The following HAUS8 variants were observed in gnomAD, a reference collection of about 807,000 sequenced individuals.
The protein encoded by HAUS8 is HAUS augmin-like complex subunit 8.
HAUS8 carries 38 observed loss-of-function variants against 42.9 expected under a neutral mutation model. That is an observed-to-expected ratio of 0.89 (90% CI 0.68 to 1.16). The LOEUF is 1.16. Ranked by LOEUF, HAUS8 falls within the 50% of genes most tolerant of loss-of-function variation. The probability of loss-of-function intolerance (pLI) is 0.00; values close to 1 mark genes in which losing one functional copy is unlikely to be tolerated. For missense variants in HAUS8, 494 were observed against 511.6 expected, an observed-to-expected ratio of 0.97 and a Z score of 0.33; for synonymous variants, 199 against 205.8, an observed-to-expected ratio of 0.97 and a Z score of 0.28.
chr19:17,054,018 G>A (rs1017676259), intron 9 of HAUS8, among the ~76,000 whole-genome samples: 1 of 152,078 alleles, frequency 6.6e-6, no homozygotes, highest in Non-Finnish European at 1.5e-5. Flanking sequence ...GTGAGGACGG[G>A]CAGAGAATGG....
At chr19:17,070,190 C>A (rs963154463) in intron 2 of HAUS8, among the ~76,000 whole-genome samples, 3 of 152,016 alleles carry the variant, frequency 2.0e-5, no homozygotes, top group Non-Finnish European at 2.9e-5. Context: ...TCCCGCCCCC[C>A]ACAATCCAGC....
At chr19:17,053,656 C>CTT in intron 9 of HAUS8, 2 of 147,606 alleles carry the variant, frequency 1.4e-5, no homozygotes, top group African/African-American at 5.0e-5. Context: ...CGGGAAATTT[C>CTT]TTTTTTTCTT....
At chr19:17,072,305 A>G (rs1224541897) in intron 2 of HAUS8, among the ~76,000 whole-genome samples, 1 of 143,240 alleles carries the variant, frequency 7.0e-6, no homozygotes, top group Non-Finnish European at 1.5e-5. Flanking sequence ...CCAATGATGG[A>G]CTCTAGAATC....
intron 4 of HAUS8, among the ~76,000 whole-genome samples, chr19:17,060,491 CTCCACCTCCCGGGT>C (rs1208236570): frequency 6.6e-6 from 1 of 152,200 alleles, no homozygotes; most frequent in Admixed American, 6.5e-5. Context: ...TCACTGCAAC[CTCCACCTCCCGGGT>C]TCAAGTGATT....
At chr19:17,052,743 C>A in intron 10 of HAUS8, 82 bp downstream of exon 10, 1 of 1,486,796 alleles carries the variant, frequency 6.7e-7, no homozygotes, top group Non-Finnish European at 9.3e-7. Context: ...TAGAGGAACT[C>A]GGCACCACCC....
intron 8 of HAUS8, among the ~76,000 whole-genome samples, chr19:17,058,146 C>T (rs954529077): frequency 3.9e-5 from 6 of 152,246 alleles, no homozygotes; most frequent in Non-Finnish European, 8.8e-5. Context: ...TCAGCCCTTT[C>T]TGGGTTCCAG....
At chr19:17,054,030 G>A (rs1251433304) in intron 9 of HAUS8, among the ~76,000 whole-genome samples, 5 of 152,114 alleles carry the variant, frequency 3.3e-5, no homozygotes, top group Non-Finnish European at 7.4e-5. Context: ...AGAGAATGGA[G>A]GGACACGGCC....
intron 3 of HAUS8, among the ~76,000 whole-genome samples, chr19:17,067,479 A>G (rs888128418): frequency 6.6e-6 from 1 of 152,098 alleles, no homozygotes; most frequent in Admixed American, 6.6e-5. Context: ...ATGACTGTCT[A>G]TGTCTGTCAA....
At chr19:17,054,575 G>T (rs539893972) in intron 9 of HAUS8, among the ~76,000 whole-genome samples, 1 of 152,204 alleles carries the variant, frequency 6.6e-6, no homozygotes, top group South Asian at 2.1e-4. Context: ...GGCAAGGCGG[G>T]CAGATCACCT....
At chr19:17,067,128 C>A (rs1237435965) in intron 3 of HAUS8, among the ~76,000 whole-genome samples, 1 of 151,464 alleles carries the variant, frequency 6.6e-6, no homozygotes, top group Non-Finnish European at 1.5e-5. Flanking sequence ...TGGCTTGAAT[C>A]CAGAAGGCGG....
At chr19:17,063,407 G>A (rs2057372169) in intron 3 of HAUS8, among the ~76,000 whole-genome samples, 1 of 152,218 alleles carries the variant, frequency 6.6e-6, no homozygotes, top group Non-Finnish European at 1.5e-5. Flanking sequence ...CACAGTGGAG[G>A]TCCTCAGATA....
chr19:17,072,725 G>C (rs774576436), intron 2 of HAUS8, among the ~76,000 whole-genome samples: 1 of 151,686 alleles, frequency 6.6e-6, no homozygotes, highest in Non-Finnish European at 1.5e-5. Context: ...CTTGGCTCGT[G>C]GGGGAGGCCG....
chr19:17,054,314 A>AGT (rs2057306545), intron 9 of HAUS8, among the ~76,000 whole-genome samples: 1 of 152,006 alleles, frequency 6.6e-6, no homozygotes, highest in African/African-American at 2.4e-5. Context: ...GCAGAGACTG[A>AGT]GTGTTTTCTA....
chr19:17,050,092 C>G lies in HAUS8; in HGVS notation c.1014G>C (p.Gln338His), dbSNP rs1382102752. 1.0e-5 allele frequency: 16 copies of G among 1,600,488 alleles called. No individual in the cohort carries two copies. Among genetic ancestry groups the G allele is most frequent in the Non-Finnish European group, 1.4e-5 (16 of 1,173,570 alleles). The change falls in exon 11 of 11, where the codon CAG becomes CAC. Residue 338 changes from glutamine to histidine, a missense_variant. Transcript: ENST00000253669. ...ACCACCGGCTGGGGGGCGCCATGCC[C>G]TGGGTCTCTTCCCAGACTTCCTGGT... Reference protein sequence around the residue: ...LANQEVWEETQGMAPPSRWYF... With the variant: ...LANQEVWEETHGMAPPSRWYF...
intron 6 of HAUS8, 40 bp from the exon 7 acceptor site, chr19:17,058,916 T>A: frequency 6.5e-7 from 1 of 1,534,238 alleles, no homozygotes; most frequent in Non-Finnish European, 8.9e-7. Context: ...CCTGATGAAG[T>A]GGTATAAATC....
At chr19:17,055,825 C>T (rs2057322187) in intron 9 of HAUS8, 36 bp downstream of exon 9, 2 of 1,595,110 alleles carry the variant, frequency 1.3e-6, no homozygotes, top group East Asian at 2.3e-5. Context: ...CCTCGCCCCG[C>T]CTGCTGCACA....
intron 10 of HAUS8, among the ~76,000 whole-genome samples, chr19:17,050,733 T>C (rs547000289): frequency 6.6e-6 from 1 of 151,852 alleles, no homozygotes; most frequent in Non-Finnish European, 1.5e-5. Flanking sequence ...CCATCTCTAT[T>C]AAAAATACAA....
chr19:17,063,485 G>A (rs1403072702), intron 3 of HAUS8, among the ~76,000 whole-genome samples: 1 of 152,240 alleles, frequency 6.6e-6, no homozygotes, highest in Non-Finnish European at 1.5e-5. Context: ...AATTTTTCAT[G>A]TAGGAAATCC....
intron 9 of HAUS8, 132 bp from the exon 10 acceptor site, chr19:17,053,098 A>G: frequency 1.0e-6 from 1 of 1,000,724 alleles, no homozygotes; most frequent in Admixed American, 2.3e-5. Context: ...GCGCACAGGG[A>G]AGAAGCAGAA....
Sources: allele counts gnomAD v4.1 joint callset (sites outside exome capture counted in the v4.1 genomes callset), GRCh38; gene constraint gnomAD v4.1.1; transcripts MANE v1.5; gene names NCBI Gene and HGNC (gene_info 2026-07-23, HGNC 2026-07-21).